COL8A1: variants seen among roughly 807,000 people sequenced by gnomAD.
COL8A1 encodes the protein collagen type VIII alpha 1 chain.
In COL8A1, 21 loss-of-function variants were observed where a neutral mutation model predicts 42.7. The ratio of observed to expected loss-of-function variants is 0.49; its 90% CI spans 0.35 to 0.71. COL8A1 has a LOEUF of 0.71. COL8A1 is among the 30% of genes least tolerant of loss of function. The pLI is 0.01. For missense variants in COL8A1, 788 were observed against 962.4 expected, an observed-to-expected ratio of 0.82 and a Z score of 2.40; for synonymous variants, 367 against 369.1, an observed-to-expected ratio of 0.99 and a Z score of 0.06.
At chr3:99,745,973 T>C (rs1384326991) in intron 2 of COL8A1, among the ~76,000 whole-genome samples, 5 of 152,180 alleles carry the variant, frequency 3.3e-5, no homozygotes, top group Admixed American at 3.3e-4. Context: ...TCCTGATATA[T>C]AATAGTACAA....
chr3:99,665,340 C>A (rs955391707), intron 1 of COL8A1, among the ~76,000 whole-genome samples: 2 of 152,278 alleles, frequency 1.3e-5, no homozygotes, highest in Non-Finnish European at 2.9e-5. Flanking sequence ...TAGTCTCCAA[C>A]TTTCCCCCAT....
chr3:99,658,606 G>A (rs1443261953), intron 1 of COL8A1, among the ~76,000 whole-genome samples: 1 of 152,152 alleles, frequency 6.6e-6, no homozygotes, highest in African/African-American at 2.4e-5. Flanking sequence ...GAAACCAAGT[G>A]CAGGTACTCA....
intron 1 of COL8A1, among the ~76,000 whole-genome samples, chr3:99,720,916 C>T (rs1940131530): frequency 6.6e-6 from 1 of 152,038 alleles, no homozygotes; most frequent in African/African-American, 2.4e-5. Context: ...GAGGAAAGAC[C>T]TTCATAGTGA....
chr3:99,708,972 C>A (rs1939758500), intron 1 of COL8A1, among the ~76,000 whole-genome samples: 1 of 152,016 alleles, frequency 6.6e-6, no homozygotes, highest in African/African-American at 2.4e-5. Context: ...CTTAGACTAA[C>A]CCCTGGAAGC....
chr3:99,789,125 T>C (rs558266198), intron 2 of COL8A1, among the ~76,000 whole-genome samples: 2 of 152,312 alleles, frequency 1.3e-5, no homozygotes, highest in East Asian at 3.9e-4. Flanking sequence ...AGGGATTCAT[T>C]TTAAATATTT....
chr3:99,766,587 G>A (rs779984042), intron 2 of COL8A1, among the ~76,000 whole-genome samples: 6 of 152,182 alleles, frequency 3.9e-5, no homozygotes, highest in African/African-American at 7.2e-5. Context: ...AAAATGTGAA[G>A]CTATTAAAAT....
chr3:99,653,985 A>G (rs572839301), intron 1 of COL8A1, among the ~76,000 whole-genome samples: 2 of 152,252 alleles, frequency 1.3e-5, no homozygotes, highest in African/African-American at 4.8e-5. Context: ...AGCCAGTCCA[A>G]GTCCCAAAAC....
At chr3:99,686,825 G>A (rs938767863) in intron 1 of COL8A1, among the ~76,000 whole-genome samples, 3 of 152,068 alleles carry the variant, frequency 2.0e-5, no homozygotes, top group Admixed American at 2.0e-4. Context: ...ACAGGCACAT[G>A]CCACCATGCC....
intron 2 of COL8A1, among the ~76,000 whole-genome samples, chr3:99,779,342 A>C (rs1471201894): frequency 6.6e-6 from 1 of 152,212 alleles, no homozygotes; most frequent in East Asian, 1.9e-4. Flanking sequence ...AGATAAAGCT[A>C]AAAAAGTGAT....
intron 1 of COL8A1, among the ~76,000 whole-genome samples, chr3:99,699,861 T>G (rs1428067066): frequency 3.3e-5 from 5 of 152,102 alleles, no homozygotes; most frequent in Non-Finnish European, 7.4e-5. Flanking sequence ...ACATACCGTC[T>G]TTTTTAACAT....
chr3:99,661,638 A>G (rs1367409612), intron 1 of COL8A1, among the ~76,000 whole-genome samples: 1 of 152,224 alleles, frequency 6.6e-6, no homozygotes, highest in Non-Finnish European at 1.5e-5. Flanking sequence ...CAAAGAACTG[A>G]AAGCGAGGTC....
At chr3:99,725,337 A>G (rs1451511050) in intron 1 of COL8A1, among the ~76,000 whole-genome samples, 1 of 151,974 alleles carries the variant, frequency 6.6e-6, no homozygotes, top group Admixed American at 6.6e-5. Flanking sequence ...TTACTGTAAA[A>G]TGTTACATTT....
chr3:99,700,304 A>T (rs1413196474), intron 1 of COL8A1, among the ~76,000 whole-genome samples: 5 of 128,834 alleles, frequency 3.9e-5, no homozygotes, highest in African/African-American at 1.1e-4. Flanking sequence ...TTTTTAGAAG[A>T]AAAAAAAAAA....
chr3:99,741,004 C>G (rs2107401199), intron 1 of COL8A1, among the ~76,000 whole-genome samples: 1 of 152,110 alleles, frequency 6.6e-6, no homozygotes, highest in South Asian at 2.1e-4. Flanking sequence ...TTCCTAGAAG[C>G]ATCAAATAAT....
chr3:99,735,259 C>T (rs1940667785), intron 1 of COL8A1, among the ~76,000 whole-genome samples: 2 of 136,922 alleles, frequency 1.5e-5, no homozygotes, highest in Admixed American at 7.5e-5. Flanking sequence ...CCAGTTTTTG[C>T]CCATTCAGTA....
At chr3:99,766,691 T>C (rs1282921508) in intron 2 of COL8A1, among the ~76,000 whole-genome samples, 1 of 152,226 alleles carries the variant, frequency 6.6e-6, no homozygotes, top group African/African-American at 2.4e-5. Flanking sequence ...GGCTCACGCC[T>C]GTAATCCCAG....
chr3:99,671,615 T>C (rs1938547634), intron 1 of COL8A1, among the ~76,000 whole-genome samples: 1 of 152,040 alleles, frequency 6.6e-6, no homozygotes, highest in Admixed American at 6.6e-5. Context: ...TACCCCATAG[T>C]AACCACTATT....
chr3:99,736,175 A>G (rs1354498331), intron 1 of COL8A1, among the ~76,000 whole-genome samples: 3 of 151,666 alleles, frequency 2.0e-5, no homozygotes, highest in Non-Finnish European at 2.9e-5. Flanking sequence ...GATTTTAGTT[A>G]TTTCTTGCCT....
At chr3:99,649,969 A>G (rs1937788400) in intron 1 of COL8A1, among the ~76,000 whole-genome samples, 1 of 152,182 alleles carries the variant, frequency 6.6e-6, no homozygotes, top group Admixed American at 6.5e-5. Flanking sequence ...GATTGTTAGT[A>G]CCCTGCTCAA....
Sources: gnomAD v4.1 joint callset for allele counts (sites outside exome capture counted in the v4.1 genomes callset) on GRCh38, gnomAD v4.1.1 for gene constraint, MANE v1.5 for transcripts, NCBI Gene and HGNC (gene_info 2026-07-23, HGNC 2026-07-21) for gene names.